Variants in MNAT1 observed in about 807,000 individuals in gnomAD.
MNAT1 encodes the protein CDK-activating kinase assembly factor MAT1.
Under a neutral mutation model 42.0 loss-of-function variants are expected in MNAT1, and 43 were observed. The ratio of observed to expected loss-of-function variants is 1.02; its 90% confidence interval spans 0.80 to 1.32. The LOEUF (loss-of-function observed/expected upper bound fraction) is 1.32. MNAT1 is among the 40% of genes most tolerant of loss of function. MNAT1 has a pLI of 0.00. For missense variants in MNAT1, 306 were observed against 350.4 expected (o/e 0.87, Z 1.01); for synonymous variants, 118 against 120.0 (o/e 0.98, Z 0.11).
chr14:60,748,385 T>C (rs770848133), intron 1 of MNAT1, among the ~76,000 whole-genome samples: 6 of 152,132 alleles, frequency 3.9e-5, no homozygotes, highest in Non-Finnish European at 7.4e-5. Flanking sequence ...TTGGCGCCAC[T>C]GTGCCCAGTT....
At chr14:60,821,660 G>A (rs1289230646) in intron 6 of MNAT1, among the ~76,000 whole-genome samples, 1 of 152,040 alleles carries the variant, frequency 6.6e-6, no homozygotes, top group Admixed American at 6.6e-5. Flanking sequence ...TGCATATTCT[G>A]ATGCTTCCCC....
At chr14:60,951,952 T>G (rs1406176443) in intron 7 of MNAT1, among the ~76,000 whole-genome samples, 1 of 152,178 alleles carries the variant, frequency 6.6e-6, no homozygotes, top group African/African-American at 2.4e-5. Flanking sequence ...GTAGTCTCAT[T>G]CCTTATGTGT....
intron 1 of MNAT1, among the ~76,000 whole-genome samples, chr14:60,748,601 A>G (rs1390255772): frequency 1.3e-5 from 2 of 151,344 alleles, no homozygotes; most frequent in African/African-American, 4.9e-5. Flanking sequence ...TAGCACATAC[A>G]TTAGCCTAGA....
chr14:60,937,494 C>T (rs1179807466), intron 7 of MNAT1, among the ~76,000 whole-genome samples: 1 of 152,160 alleles, frequency 6.6e-6, no homozygotes, highest in East Asian at 1.9e-4. Flanking sequence ...GGAATCCTTT[C>T]CCCATTTCTT....
intron 7 of MNAT1, among the ~76,000 whole-genome samples, chr14:60,942,673 G>T (rs1249528617): frequency 2.0e-5 from 3 of 151,768 alleles, no homozygotes; most frequent in Non-Finnish European, 4.4e-5. Flanking sequence ...GTAAAAATCA[G>T]CCCATTTTTA....
chr14:60,794,660 A>AATATAT (rs67332094), intron 1 of MNAT1, among the ~76,000 whole-genome samples: 879 of 28,640 alleles, frequency 0.031, 30 homozygotes, highest in African/African-American at 0.079. Flanking sequence ...AAAAAAAAAA[A>AATATAT]ATATATATAT....
chr14:60,855,694 A>G (rs564508698), intron 6 of MNAT1, among the ~76,000 whole-genome samples: 3 of 151,944 alleles, frequency 2.0e-5, no homozygotes, highest in Non-Finnish European at 4.4e-5. Context: ...TGCAGAAATT[A>G]CCTTCCTTCT....
chr14:60,918,353 C>T (rs112951273), intron 7 of MNAT1, among the ~76,000 whole-genome samples: 13 of 150,900 alleles, frequency 8.6e-5, no homozygotes, highest in East Asian at 3.9e-4. Context: ...GGACTACAGG[C>T]GCCCGCAACC....
chr14:60,744,241 C>T (rs1896552252), intron 1 of MNAT1, among the ~76,000 whole-genome samples: 1 of 152,142 alleles, frequency 6.6e-6, no homozygotes, highest in South Asian at 2.1e-4. Context: ...AAGTGATTCT[C>T]CTGCATCAGC....
intron 1 of MNAT1, among the ~76,000 whole-genome samples, chr14:60,794,147 A>G (rs945819411): frequency 2.6e-5 from 4 of 152,138 alleles, no homozygotes; most frequent in Non-Finnish European, 4.4e-5. Flanking sequence ...ACTATTTTGG[A>G]TAGATGCTTA....
intron 5 of MNAT1, 123 bp from the exon 6 acceptor site, chr14:60,818,599 C>A: frequency 1.3e-6 from 1 of 766,806 alleles, no homozygotes; most frequent in South Asian, 4.0e-5. Flanking sequence ...AAGTGTCCTC[C>A]ATAATGTGAA....
At chr14:60,949,983 A>G (rs2036351793) in intron 7 of MNAT1, among the ~76,000 whole-genome samples, 1 of 152,192 alleles carries the variant, frequency 6.6e-6, no homozygotes, top group Non-Finnish European at 1.5e-5. Context: ...TAGATATTTT[A>G]TGAACCAATT....
intron 7 of MNAT1, among the ~76,000 whole-genome samples, chr14:60,883,729 T>TCA (rs2034600321): frequency 6.6e-6 from 1 of 152,162 alleles, no homozygotes; most frequent in African/African-American, 2.4e-5. Flanking sequence ...ATCTTTTGTG[T>TCA]GTGTGTGTCC....
At chr14:60,900,048 A>ATCTCTCTCTCTCTCTCTC (rs61149455) in intron 7 of MNAT1, among the ~76,000 whole-genome samples, 24 of 136,410 alleles carry the variant, frequency 1.8e-4, no homozygotes, top group South Asian at 9.8e-4. Flanking sequence ...CTGTTTCCCC[A>ATCTCTCTCTCTCTCTCTC]TCTCTCTCTC....
intron 7 of MNAT1, among the ~76,000 whole-genome samples, chr14:60,932,718 C>T (rs1311507260): frequency 6.6e-6 from 1 of 151,924 alleles, no homozygotes; most frequent in Non-Finnish European, 1.5e-5. Context: ...GATGACCATA[C>T]AGTTGTTATC....
chr14:60,937,769 A>G (rs2036036152), intron 7 of MNAT1, among the ~76,000 whole-genome samples: 1 of 152,072 alleles, frequency 6.6e-6, no homozygotes, highest in Non-Finnish European at 1.5e-5. Context: ...CTGTGAAGAA[A>G]GTCATTGGTA....
chr14:60,820,385 T>A (rs1304100782), intron 6 of MNAT1, among the ~76,000 whole-genome samples: 1 of 152,116 alleles, frequency 6.6e-6, no homozygotes, highest in Non-Finnish European at 1.5e-5. Context: ...AAAGTCATAT[T>A]TAATTTTACT....
At chr14:60,775,577 G>C (rs2031221221) in intron 1 of MNAT1, among the ~76,000 whole-genome samples, 1 of 152,284 alleles carries the variant, frequency 6.6e-6, no homozygotes, top group East Asian at 1.9e-4. Context: ...GGAGAAGGGG[G>C]AGATAATTAT....
intron 7 of MNAT1, among the ~76,000 whole-genome samples, chr14:60,940,759 G>T (rs1434031621): frequency 6.6e-6 from 1 of 152,082 alleles, no homozygotes; most frequent in Non-Finnish European, 1.5e-5. Context: ...GAATTCAATG[G>T]CTTAATAAAC....
Sources: gnomAD v4.1 joint callset for allele counts (sites outside exome capture counted in the v4.1 genomes callset) on GRCh38, gnomAD v4.1.1 for gene constraint, MANE v1.5 for transcripts, NCBI Gene and HGNC (gene_info 2026-07-23, HGNC 2026-07-21) for gene names.